The following RHOBTB3 variants were observed in gnomAD, a reference collection of about 807,000 sequenced individuals.
RHOBTB3 encodes rho-related BTB domain-containing protein 3.
In RHOBTB3, 47 loss-of-function variants were observed where a neutral mutation model predicts 67.2. The observed-to-expected ratio is 0.70, with a 90% CI of 0.55 to 0.89. The LOEUF is 0.89. Ranked by LOEUF, RHOBTB3 falls within the 40% of genes least tolerant of loss-of-function variation. RHOBTB3 has a pLI of 0.00. For missense variants in RHOBTB3, 631 were observed against 750.0 expected, an observed-to-expected ratio of 0.84 and a Z score of 1.85; for synonymous variants, 273 against 274.2, an observed-to-expected ratio of 1.00 and a Z score of 0.04.
Position 95,755,615 on chromosome 5 carries a change from C to A in RHOBTB3, c.902C>A (p.Thr301Asn). The change falls in exon 6 of 12, where the codon ACT (threonine) becomes AAT (asparagine). Residue 301 changes from threonine to asparagine, a missense_variant. By Grantham distance (65) the Thr-to-Asn change is moderately conservative (BLOSUM62 0). Transcript: ENST00000379982. ...TDIQDSSIIR[T>N]TQDLFAINRD... is the part of the protein sequence containing the mutation. ...ATTCAGGATTCCAGTATCATCCGAA[C>A]TACCCAGGATCTTTTTGCTATAAAC... 1 of 1,614,148 alleles carries A rather than the reference C, an allele frequency of 6.2e-7. No individual in the cohort carries two copies. The highest frequency in any genetic ancestry group is 8.5e-7 in the Non-Finnish European group (1 of 1,180,016).
chr5:95,749,840 C>A (rs1745038260), intron 4 of RHOBTB3, among the ~76,000 whole-genome samples: 2 of 152,194 alleles, frequency 1.3e-5, no homozygotes, highest in East Asian at 1.9e-4. Context: ...GGATCCTGAA[C>A]CTGAAATTCC....
At chr5:95,736,342 C>T (rs2112775893) in intron 2 of RHOBTB3, among the ~76,000 whole-genome samples, 1 of 152,296 alleles carries the variant, frequency 6.6e-6, no homozygotes, top group South Asian at 2.1e-4. Flanking sequence ...ACCCCACATT[C>T]ATACTCTTTA....
At chr5:95,755,824 G>T in intron 6 of RHOBTB3, 63 bp downstream of exon 6, 1 of 1,551,976 alleles carries the variant, frequency 6.4e-7, no homozygotes, top group East Asian at 2.2e-5. Context: ...AAATGTGCCT[G>T]TGACACTCAA....
At chr5:95,726,976 C>G (rs1468117468), upstream of RHOBTB3, among the ~76,000 whole-genome samples, 1 of 149,772 alleles carries the variant, frequency 6.7e-6, no homozygotes, top group African/African-American at 2.5e-5. Context: ...TTTTTTTTTT[C>G]AGTAAAAAAT....
intron 3 of RHOBTB3, among the ~76,000 whole-genome samples, chr5:95,743,671 C>G (rs1755663506): frequency 7.0e-6 from 1 of 143,696 alleles, no homozygotes. Flanking sequence ...TCCTTCTTTC[C>G]TCCCCTCTTC....
chr5:95,748,529 T>G, intron 4 of RHOBTB3, 42 bp downstream of exon 4: 1 of 1,508,578 alleles, frequency 6.6e-7, no homozygotes, highest in African/African-American at 1.4e-5. Context: ...ATTTGTCAGG[T>G]TGCCTCTTTA....
chr5:95,726,031 G>A (rs936416799), upstream of RHOBTB3, among the ~76,000 whole-genome samples: 1 of 152,142 alleles, frequency 6.6e-6, no homozygotes, highest in Non-Finnish European at 1.5e-5. Context: ...GGAACACAAT[G>A]TAGTAAATAC....
upstream of RHOBTB3, among the ~76,000 whole-genome samples, chr5:95,728,255 CTT>C (rs1755118216): frequency 1.3e-5 from 2 of 152,172 alleles, no homozygotes; most frequent in African/African-American, 4.8e-5. Flanking sequence ...CTCCACCACT[CTT>C]TTTTCTGCCT....
intron 3 of RHOBTB3, among the ~76,000 whole-genome samples, chr5:95,741,293 A>G (rs1054196075): frequency 6.7e-6 from 1 of 149,948 alleles, no homozygotes; most frequent in South Asian, 2.1e-4. Context: ...GCACCACTGC[A>G]CTCCAGCCTG....
Position 95,754,640 on chromosome 5 carries a change from CCTGGAGTGTAGGT to C in RHOBTB3, c.683-755_683-743del, listed in dbSNP as rs1478143670. Among the ~76,000 whole-genome samples, 35 of 152,222 alleles carry C rather than the reference CCTGGAGTGTAGGT, an allele frequency of 2.3e-4. No homozygotes were observed. In the South Asian group the frequency reaches 2.9e-3, roughly 13 times the overall value. ...TTACAGTTAGGGTCTGTGGTGAGGG[CCTGGAGTGTAGGT>C]ATTCTGAGTTGATTGAGGGCTCATC... On this transcript the variant is annotated intron_variant, in intron 5 of 11. Coordinates refer to ENST00000379982, the MANE Select transcript of RHOBTB3 (RefSeq NM_014899.4).
chr5:95,737,689 A>C (rs1755486502), intron 3 of RHOBTB3, among the ~76,000 whole-genome samples: 1 of 152,214 alleles, frequency 6.6e-6, no homozygotes, highest in Non-Finnish European at 1.5e-5. Flanking sequence ...CTATTTTTAA[A>C]ATTTTATTTT....
At chr5:95,753,015 C>A (rs973091148) in intron 5 of RHOBTB3, among the ~76,000 whole-genome samples, 4 of 152,012 alleles carry the variant, frequency 2.6e-5, no homozygotes, top group Non-Finnish European at 5.9e-5. Context: ...GCCTGTAGTC[C>A]CAGCTACTCG....
At position 95,794,905 on chromosome 5, in the gene RHOBTB3, C is replaced by T. The variant is rs1299076210; in HGVS notation, c.*1731C>T. 6.6e-6 allele frequency: 1 copy of T among 151,986 alleles called. No individual in the cohort carries two copies. The highest frequency in any genetic ancestry group is 1.5e-5 in the Non-Finnish European group (1 of 68,008). The allele number at this position is 151,986 out of a possible 1,614,324, so 9.4% of individuals were successfully genotyped here. On this transcript the variant is annotated 3_prime_UTR_variant, in exon 12 of 12. Coordinates refer to ENST00000379982, the MANE Select transcript of RHOBTB3 (RefSeq NM_014899.4). ...ATAACTTGAGGTCATGAGTTCGAAACCAGCCTGGCCAAAACAGTGAAACCC... is the reference window on the plus strand; with the variant it reads ...ATAACTTGAGGTCATGAGTTCGAAATCAGCCTGGCCAAAACAGTGAAACCC...
At chr5:95,768,773 T>G (rs1404101331) in intron 8 of RHOBTB3, among the ~76,000 whole-genome samples, 1 of 152,218 alleles carries the variant, frequency 6.6e-6, no homozygotes, top group Non-Finnish European at 1.5e-5. Context: ...TTAATGAAGA[T>G]GAGCTGTTTG....
chr5:95,765,476 G>A (rs1375618715), intron 7 of RHOBTB3, among the ~76,000 whole-genome samples: 1 of 152,156 alleles, frequency 6.6e-6, no homozygotes, highest in African/African-American at 2.4e-5. Context: ...AGGGTAAGGG[G>A]CTGTCTCATT....
At chr5:95,734,132 A>T (rs1755388932) in intron 2 of RHOBTB3, among the ~76,000 whole-genome samples, 1 of 152,232 alleles carries the variant, frequency 6.6e-6, no homozygotes, top group Non-Finnish European at 1.5e-5. Flanking sequence ...AACTTTAGTT[A>T]TGTATCACTT....
chr5:95,723,079 T>C (rs965272076), intron 1 of RHOBTB3, among the ~76,000 whole-genome samples: 1 of 152,034 alleles, frequency 6.6e-6, no homozygotes, highest in African/African-American at 2.4e-5. Context: ...ATTTCACATG[T>C]ACATAACATT....
At chr5:95,789,993 G>GA (rs1245492466) in intron 11 of RHOBTB3, among the ~76,000 whole-genome samples, 2 of 151,980 alleles carry the variant, frequency 1.3e-5, no homozygotes, top group African/African-American at 4.8e-5. Flanking sequence ...GTCTCTAAAA[G>GA]AAAAAAGAGT....
intron 11 of RHOBTB3, among the ~76,000 whole-genome samples, chr5:95,791,085 G>A (rs905093687): frequency 6.6e-6 from 1 of 151,984 alleles, no homozygotes; most frequent in Non-Finnish European, 1.5e-5. Context: ...TTCTTGTCAC[G>A]GTCACTCTAC....
Sources: allele counts gnomAD v4.1 joint callset (sites outside exome capture counted in the v4.1 genomes callset), GRCh38; gene constraint gnomAD v4.1.1; transcripts MANE v1.5; gene names NCBI Gene and HGNC (gene_info 2026-07-23, HGNC 2026-07-21).